NOM1: variants seen among roughly 807,000 people sequenced by gnomAD.
NOM1 encodes the protein nucleolar MIF4G domain-containing protein 1.
NOM1 carries 58 observed loss-of-function variants against 73.3 expected under a neutral mutation model. The observed-to-expected ratio is 0.79, with a 90% CI of 0.64 to 0.99. The LOEUF (loss-of-function observed/expected upper bound fraction) is 0.99. Among genes scored for constraint, NOM1 ranks in the 50% least tolerant of loss-of-function variants. NOM1 has a pLI of 0.00. For missense variants in NOM1, 1,226 were observed against 1,131.9 expected, an observed-to-expected ratio of 1.08 and a Z score of -1.19; for synonymous variants, 487 against 446.8, an observed-to-expected ratio of 1.09 and a Z score of -1.14.
In NOM1 at chr7:156,963,930, C is replaced by T; in HGVS notation, c.1937C>T (p.Ala646Val). The T allele has an allele frequency of 6.2e-7, 1 of 1,614,072 alleles. No homozygotes were observed. The highest frequency in any genetic ancestry group is 8.5e-7 in the Non-Finnish European group (1 of 1,179,964). The change falls in exon 7 of 11, where the codon GCC becomes GTC. Residue 646 changes from alanine to valine, a missense_variant. Coordinates refer to ENST00000275820, the MANE Select transcript of NOM1 (RefSeq NM_138400.2). Reference protein sequence around the residue: ...GTVSSKILELARKQRMNTDIR... With the variant: ...GTVSSKILELVRKQRMNTDIR... ...GTCAGTTCAAAGATCCTAGAACTCG[C>T]CCGGAAGCAGAGGATGAACACAGAC...
intron 3 of NOM1, among the ~76,000 whole-genome samples, chr7:156,955,500 G>T (rs1804699560): frequency 6.6e-6 from 1 of 152,122 alleles, no homozygotes; most frequent in South Asian, 2.1e-4. Context: ...TTTAATGGTG[G>T]TTCTCTTAGT....
Position 156,949,977 on chromosome 7 carries a change from A to C in NOM1, c.240A>C (p.Lys80Asn). The C allele has an allele frequency of 6.5e-7, 1 of 1,540,540 alleles. No individual in the cohort carries two copies. Among genetic ancestry groups the C allele is most frequent in the Non-Finnish European group, 8.7e-7 (1 of 1,146,648 alleles). ...APVSFRPGGR[K>N]SRKELRKEKR... is the part of the protein sequence containing the mutation. ...TGAGCTTTCGCCCGGGAGGGAGAAA[A>C]AGCCGTAAGGAACTGAGGAAGGAGA... Residue 80 changes from lysine (K) to asparagine (N), a missense_variant, in exon 1 of 11, where the codon AAA becomes AAC. Transcript: ENST00000275820.
chr7:156,969,604 C>A lies in NOM1; in HGVS notation c.2484C>A (p.Asn828Lys). 1 of 1,614,016 alleles carries A rather than the reference C, an allele frequency of 6.2e-7. No individual in the cohort carries two copies. The part of the protein sequence containing the change: ...KLFISHFLLK[N>K]AQAHRSADEA... ...TCATCAGCCACTTCTTGCTAAAGAA[C>A]GCACAGGCCCACAGAAGCGCCGACG... Residue 828 changes from asparagine to lysine, a missense_variant, in exon 11 of 11, where the codon AAC (asparagine) becomes AAA (lysine). Asn to Lys is a moderately conservative substitution (Grantham distance 94, BLOSUM62 0). Coordinates refer to ENST00000275820, the MANE Select transcript of NOM1 (RefSeq NM_138400.2).
Position 156,969,861 on chromosome 7 carries a change from T to A in NOM1, c.*158T>A. The A allele has an allele frequency of 1.5e-6, 1 of 684,504 alleles. No homozygotes were observed. Among genetic ancestry groups the A allele is most frequent in the Non-Finnish European group, 2.2e-6 (1 of 455,716 alleles). The allele number at this position is 684,504 out of a possible 1,614,324, so 42.4% of individuals were successfully genotyped here. ...GATTTTTTTTGATCTAAGGTTTTAT[T>A]GTTTGTATTTCAAGCCATTTTCAAA... On this transcript the variant is annotated 3_prime_UTR_variant, in exon 11 of 11. Transcript: ENST00000275820.
At position 156,949,883 on chromosome 7, in the gene NOM1, TGGA is replaced by T. The variant is rs1441777274; in HGVS notation, c.151_153del (p.Glu51del). 2.0e-6 allele frequency: 3 copies of T among 1,532,232 alleles called. No homozygotes were observed. Among genetic ancestry groups the T allele is most frequent in the East Asian group, 2.5e-5 (1 of 40,630 alleles). 94.9% of individuals were successfully genotyped at this position (1,532,232 alleles called of 1,614,324 possible). On this transcript the variant is annotated inframe_deletion, in exon 1 of 11. Transcript: ENST00000275820. The stretch of plus-strand genomic sequence containing the variant: ...GCCCTGAAGAGGCTGAAGCTAGCGG[TGGA>T]GGAGTTCGTGCACGCGACTTCGGAA...
chr7:156,959,846 T>C lies in NOM1; in HGVS notation c.1309-5T>C. ...CATAATCTTTTTTCTGTGTGGTTCT[T>C]TCAGGTCGGTGCCCACTTTCTGGAG... On this transcript the variant is annotated splice_region_variant and splice_polypyrimidine_tract_variant and intron_variant, in intron 3 of 10. Coordinates refer to ENST00000275820, the MANE Select transcript of NOM1 (RefSeq NM_138400.2). 1 of 1,613,620 alleles carries C rather than the reference T, an allele frequency of 6.2e-7. No homozygotes were observed.
In NOM1 at chr7:156,963,075, A is replaced by G; in HGVS notation, c.1811A>G (p.Glu604Gly). 1 of 1,614,172 alleles carries G rather than the reference A, an allele frequency of 6.2e-7. No homozygotes were observed. Among genetic ancestry groups the G allele is most frequent in the East Asian group, 2.2e-5 (1 of 44,882 alleles). The change falls in exon 6 of 11, where the codon GAG becomes GGG. Residue 604 changes from glutamate to glycine, a missense_variant. Coordinates refer to ENST00000275820, the MANE Select transcript of NOM1 (RefSeq NM_138400.2). ...RVSWDSVLSA[E>G]QTGRWWIVGS... The stretch of plus-strand genomic sequence containing the variant: ...TCCTGGGACAGTGTCTTGAGTGCGG[A>G]GCAGACGGGTCGCTGGTGGATTGTG...
intron 2 of NOM1, among the ~76,000 whole-genome samples, chr7:156,953,155 C>T (rs191662384): frequency 4.6e-5 from 7 of 152,168 alleles, no homozygotes; most frequent in African/African-American, 1.7e-4. Context: ...GGAGTTTTTG[C>T]TCTTGCTGCA....
chr7:156,962,919 T>C (rs1253567140), intron 5 of NOM1, 89 bp from the exon 6 acceptor site: 1 of 1,404,300 alleles, frequency 7.1e-7, no homozygotes, highest in Non-Finnish European at 9.6e-7. Context: ...ACCAGAAATG[T>C]CATGGTCAAA....
chr7:156,961,891 G>A (rs918417000), intron 4 of NOM1, among the ~76,000 whole-genome samples: 6 of 151,672 alleles, frequency 4.0e-5, no homozygotes, highest in African/African-American at 9.7e-5. Flanking sequence ...GGCGTGTGGC[G>A]AGCAGAAGGG....
intron 9 of NOM1, 125 bp downstream of exon 9, chr7:156,967,217 T>C (rs576276543): frequency 1.6e-5 from 19 of 1,162,786 alleles, no homozygotes; most frequent in Non-Finnish European, 1.9e-5. Flanking sequence ...GAAAAGTGCT[T>C]GCATTATCCT....
In NOM1 at chr7:156,950,601, A is replaced by G. The variant is rs1586562607; in HGVS notation, c.864A>G (p.Glu288=). ...GCGAGGACGACGACGAGGATACAGA[A>G]GAGGAACAGGGGGAAGAAAAGGAAA... ...AQSEDDDEDT[E]EEQGEEKEKG... is the part of the protein sequence containing the mutation. The change falls in exon 1 of 11, where the codon GAA becomes GAG. Residue 288 remains glutamate (E), a synonymous_variant. Transcript: ENST00000275820. 1.3e-6 allele frequency: 2 copies of G among 1,580,580 alleles called. No individual in the cohort carries two copies. The highest frequency in any genetic ancestry group is 2.3e-5 in the East Asian group (1 of 42,694).
chr7:156,963,257 C>G (rs1381829546), intron 6 of NOM1, 82 bp downstream of exon 6: 5 of 1,457,276 alleles, frequency 3.4e-6, no homozygotes, highest in Non-Finnish European at 4.8e-6. Context: ...TGGAGCAGCT[C>G]TCTTACTGTT....
rs753056277 is a variant in NOM1 at position 156,960,023 on chromosome 7, T to C, written c.1481T>C (p.Phe494Ser). The C allele has an allele frequency of 1.2e-6, 2 of 1,614,152 alleles. No homozygotes were observed. The highest frequency in any genetic ancestry group is 2.2e-5 in the East Asian group (1 of 44,884). Residue 494 changes from phenylalanine to serine, a missense_variant, in exon 4 of 11, where the codon TTC becomes TCC. Phe to Ser is a radical substitution (Grantham distance 155). Coordinates refer to ENST00000275820, the MANE Select transcript of NOM1 (RefSeq NM_138400.2). The stretch of plus-strand genomic sequence containing the variant: ...ATTTTGAAAAAACTGATTGGAACTT[T>C]CACCGAAAAAGATATTGAACTGATC... ...FDILKKLIGTFTEKDIELILL... is the reference protein window; with the variant it reads ...FDILKKLIGTSTEKDIELILL...
At chr7:156,969,054 T>C (rs375205543) in intron 9 of NOM1, 33 bp from the exon 10 acceptor site, 2 of 1,200,998 alleles carry the variant, frequency 1.7e-6, no homozygotes, top group Non-Finnish European at 2.5e-6. Flanking sequence ...TAAATCAGTG[T>C]AACTTTATTT....
At position 156,954,295 on chromosome 7, in the gene NOM1, C is replaced by A; in HGVS notation, c.1305C>A (p.Ile435=). The A allele has an allele frequency of 6.3e-7, 1 of 1,589,464 alleles. No individual in the cohort carries two copies. The highest frequency in any genetic ancestry group is 1.1e-5 in the South Asian group (1 of 88,060). ...GCATCCTTCACCACACAGTTGGAAT[C>A]GAGGTACAGTTGTACCTTTTCTCCA... ...LVSILHHTVG[I]EVGAHFLEAV... Residue 435 remains isoleucine, a synonymous_variant, in exon 3 of 11, where the codon ATC becomes ATA. Coordinates refer to ENST00000275820, the MANE Select transcript of NOM1 (RefSeq NM_138400.2).
intron 9 of NOM1, among the ~76,000 whole-genome samples, chr7:156,968,106 T>C (rs1290228137): frequency 6.6e-6 from 1 of 152,188 alleles, no homozygotes; most frequent in Non-Finnish European, 1.5e-5. Context: ...TGTCCAAGTT[T>C]GGCCACTGTA....
chr7:156,950,433 CGACAGCAGTG>C lies in NOM1; in HGVS notation c.698_707del (p.Asp233ValfsTer16), dbSNP rs1804559660. 6.2e-7 allele frequency: 1 copy of C among 1,613,730 alleles called. No individual in the cohort carries two copies. Among genetic ancestry groups the C allele is most frequent in the African/African-American group, 1.3e-5 (1 of 74,868 alleles). ...AGTCTGGGAAAAATAGCGGCTTGTA[CGACAGCAGTG>C]GTGAGGAGGAGGAAGATGCCGGACA... On this transcript the variant is annotated frameshift_variant, in exon 1 of 11. Transcript: ENST00000275820. LOFTEE classifies it high-confidence loss of function.
chr7:156,966,870 A>G (rs898431090), intron 8 of NOM1, 91 bp from the exon 9 acceptor site: 19 of 1,336,676 alleles, frequency 1.4e-5, no homozygotes, highest in Middle Eastern at 3.8e-4. Context: ...AAATAAGATA[A>G]TAAGAAAATA....
Sources: gnomAD v4.1 joint callset for allele counts (sites outside exome capture counted in the v4.1 genomes callset) on GRCh38, gnomAD v4.1.1 for gene constraint, MANE v1.5 for transcripts, NCBI Gene and HGNC (gene_info 2026-07-23, HGNC 2026-07-21) for gene names.